SCFD2: variants seen among roughly 807,000 people sequenced by gnomAD.
SCFD2 encodes the protein sec1 family domain containing 2.
Under a neutral mutation model 58.9 loss-of-function variants are expected in SCFD2, and 54 were observed. The ratio of observed to expected loss-of-function variants is 0.92; its 90% CI spans 0.74 to 1.15. The LOEUF (loss-of-function observed/expected upper bound fraction) is 1.15, where lower values mean the gene tolerates loss of function less well. Ranked by LOEUF, SCFD2 falls within the 50% of genes most tolerant of loss-of-function variation. The probability of loss-of-function intolerance (pLI) is 0.00; values close to 1 mark genes in which losing one functional copy is unlikely to be tolerated. For synonymous variants in SCFD2, 321 were observed against 335.9 expected (o/e 0.96, Z 0.49); for missense variants, 805 against 836.6 (o/e 0.96, Z 0.47).
intron 4 of SCFD2, among the ~76,000 whole-genome samples, chr4:53,258,112 C>A (rs1730703984): frequency 6.6e-6 from 1 of 152,186 alleles, no homozygotes; most frequent in East Asian, 1.9e-4. Flanking sequence ...CGCTCCATAT[C>A]CAGCCCATCT....
chr4:52,925,531 A>G (rs892010560), intron 5 of SCFD2, among the ~76,000 whole-genome samples: 27 of 151,778 alleles, frequency 1.8e-4, no homozygotes, highest in African/African-American at 6.1e-4. Context: ...TTTTTTGGCC[A>G]TACAAGGTGT....
Position 52,888,317 on chromosome 4 carries a change from A to G in SCFD2, c.1843-2451T>C, listed in dbSNP as rs2109450151. 2.0e-5 allele frequency among the ~76,000 whole-genome samples: 3 copies of G among 152,310 alleles called. No homozygotes were observed. The South Asian group carries it at 6.2e-4, about 32-fold the overall frequency. The stretch of plus-strand genomic sequence containing the variant: ...AGGAAGGACAGAGAGAAGAGAGAGG[A>G]CTGGGGGACTATCTAATGACCTCAA... On this transcript the variant is annotated intron_variant, in intron 7 of 8. Transcript: ENST00000401642.
At chr4:53,286,292 C>T (rs1193693991) in intron 3 of SCFD2, among the ~76,000 whole-genome samples, 1 of 152,158 alleles carries the variant, frequency 6.6e-6, no homozygotes, top group African/African-American at 2.4e-5. Context: ...GAAATCTGAG[C>T]TTCAGCCTAG....
chr4:53,154,693 A>ATACT (rs1264471384), intron 4 of SCFD2, among the ~76,000 whole-genome samples: 1 of 152,238 alleles, frequency 6.6e-6, no homozygotes, highest in African/African-American at 2.4e-5. Flanking sequence ...TGTGACTGTG[A>ATACT]TACTCTATCT....
At chr4:53,057,185 G>A (rs1432471183) in intron 5 of SCFD2, among the ~76,000 whole-genome samples, 2 of 152,018 alleles carry the variant, frequency 1.3e-5, no homozygotes, top group Non-Finnish European at 2.9e-5. Flanking sequence ...GAATATAAAT[G>A]ATTCTACTAT....
chr4:53,004,974 C>T (rs191967005), intron 5 of SCFD2, among the ~76,000 whole-genome samples: 20 of 152,340 alleles, frequency 1.3e-4, no homozygotes, highest in African/African-American at 4.6e-4. Context: ...TCTTGGCTCA[C>T]TTCCACCTCT....
intron 4 of SCFD2, among the ~76,000 whole-genome samples, chr4:53,262,369 G>A (rs554448027): frequency 3.9e-5 from 6 of 152,176 alleles, no homozygotes; most frequent in African/African-American, 1.4e-4. Context: ...ATGCTTTAAG[G>A]AGGTTCTATT....
chr4:52,899,099 A>G (rs960897431), intron 7 of SCFD2, among the ~76,000 whole-genome samples: 4 of 152,134 alleles, frequency 2.6e-5, no homozygotes, highest in African/African-American at 9.7e-5. Flanking sequence ...TTGACTCTTT[A>G]TCCGATTTGC....
chr4:52,915,036 G>A (rs1482531335), intron 6 of SCFD2, among the ~76,000 whole-genome samples: 1 of 152,214 alleles, frequency 6.6e-6, no homozygotes, highest in African/African-American at 2.4e-5. Context: ...AACATACTGT[G>A]TGGTGGGTCT....
chr4:52,946,807 T>C (rs1720442757), intron 5 of SCFD2, among the ~76,000 whole-genome samples: 1 of 152,176 alleles, frequency 6.6e-6, no homozygotes, highest in Non-Finnish European at 1.5e-5. Flanking sequence ...TTGTTTTTCT[T>C]TGAGTCTTAG....
At chr4:53,299,993 C>T (rs537618845) in intron 3 of SCFD2, among the ~76,000 whole-genome samples, 15 of 152,166 alleles carry the variant, frequency 9.9e-5, no homozygotes, top group Admixed American at 3.3e-4. Flanking sequence ...ACTGCAAAAA[C>T]ATGCAAAATT....
At chr4:53,004,509 C>T (rs1374377820) in intron 5 of SCFD2, among the ~76,000 whole-genome samples, 1 of 152,200 alleles carries the variant, frequency 6.6e-6, no homozygotes, top group African/African-American at 2.4e-5. Flanking sequence ...AATGACCCTA[C>T]AAGATAGGTA....
chr4:53,250,977 A>G (rs1012769534), intron 4 of SCFD2, among the ~76,000 whole-genome samples: 2 of 152,124 alleles, frequency 1.3e-5, no homozygotes, highest in African/African-American at 4.8e-5. Flanking sequence ...GAAAAGATCA[A>G]CAAACTTGAT....
chr4:53,200,061 T>C (rs1389180295), intron 4 of SCFD2, among the ~76,000 whole-genome samples: 1 of 152,084 alleles, frequency 6.6e-6, no homozygotes, highest in Non-Finnish European at 1.5e-5. Context: ...TGACCTCATG[T>C]AAATCTAATT....
intron 4 of SCFD2, among the ~76,000 whole-genome samples, chr4:53,186,343 A>C (rs974016105): frequency 6.6e-6 from 1 of 152,078 alleles, no homozygotes. Context: ...AAAGCTCTTT[A>C]TGAATGCTTC....
chr4:53,317,579 A>G (rs773715212), intron 2 of SCFD2, among the ~76,000 whole-genome samples: 4 of 152,242 alleles, frequency 2.6e-5, no homozygotes, highest in Non-Finnish European at 5.9e-5. Context: ...TTATACGTAA[A>G]TCTTTATCAT....
intron 5 of SCFD2, among the ~76,000 whole-genome samples, chr4:53,030,300 CA>C (rs1421427413): frequency 2.0e-5 from 3 of 151,898 alleles, no homozygotes; most frequent in Non-Finnish European, 4.4e-5. Context: ...TGGAATGGTT[CA>C]AAAAACAGAA....
chr4:53,056,462 G>A (rs906720978), intron 5 of SCFD2, among the ~76,000 whole-genome samples: 13 of 152,236 alleles, frequency 8.5e-5, no homozygotes, highest in Non-Finnish European at 1.3e-4. Flanking sequence ...TGGAAGTAAG[G>A]AAAGAGTAGA....
intron 4 of SCFD2, among the ~76,000 whole-genome samples, chr4:53,181,696 G>A (rs1444643019): frequency 6.6e-6 from 1 of 152,128 alleles, no homozygotes; most frequent in Non-Finnish European, 1.5e-5. Flanking sequence ...TATTCAATTA[G>A]GAAAAGAGGA....
Sources: gnomAD v4.1 joint callset for allele counts (sites outside exome capture counted in the v4.1 genomes callset) on GRCh38, gnomAD v4.1.1 for gene constraint, MANE v1.5 for transcripts, NCBI Gene and HGNC (gene_info 2026-07-23, HGNC 2026-07-21) for gene names.